The following GRIN2A variants were observed in gnomAD, a reference collection of about 807,000 sequenced individuals.
The protein encoded by GRIN2A is glutamate ionotropic receptor NMDA type subunit 2A.
In GRIN2A, 22 loss-of-function variants were observed where a neutral mutation model predicts 113.4. That is an observed-to-expected ratio of 0.19 (90% CI 0.14 to 0.28). The LOEUF (loss-of-function observed/expected upper bound fraction) is 0.28, where lower values mean the gene tolerates loss of function less well. GRIN2A is among the 10% of genes least tolerant of loss of function. The probability of loss-of-function intolerance (pLI) is 1.00; values close to 1 mark genes in which losing one functional copy is unlikely to be tolerated. For missense variants in GRIN2A, 1,502 were observed against 1,887.0 expected, an observed-to-expected ratio of 0.80 and a Z score of 3.78; for synonymous variants, 827 against 738.4, an observed-to-expected ratio of 1.12 and a Z score of -1.94.
At chr16:10,091,897 T>C (rs376631551) in intron 2 of GRIN2A, among the ~76,000 whole-genome samples, 2 of 152,178 alleles carry the variant, frequency 1.3e-5, no homozygotes, top group African/African-American at 2.4e-5. Context: ...CCTGAGATAA[T>C]TTTTTTAGGG....
At chr16:10,054,359 C>T (rs1300556182) in intron 2 of GRIN2A, among the ~76,000 whole-genome samples, 4 of 152,188 alleles carry the variant, frequency 2.6e-5, no homozygotes, top group South Asian at 2.1e-4. Context: ...TTCCGTTTTA[C>T]ATCTATCATA....
At chr16:9,915,688 G>C (rs1026738573) in intron 3 of GRIN2A, among the ~76,000 whole-genome samples, 8 of 152,186 alleles carry the variant, frequency 5.3e-5, no homozygotes, top group Admixed American at 4.6e-4. Context: ...AGGTAGTTTA[G>C]GTGGTGGTGA....
Position 9,841,096 on chromosome 16 carries a change from G to A in GRIN2A, c.1337C>T (p.Thr446Ile), listed in dbSNP as rs2141346131. ...TTTCTTCACATTCATCCCCTCATTG[G>A]TTGAATTGCTGTAAAGAAAAACCCC... ...CRKFVKINNS[T>I]NEGMNVKKCC... is the part of the protein sequence containing the mutation. The change falls in exon 6 of 13, where the codon ACC becomes ATC. Residue 446 changes from threonine (T) to isoleucine (I), a missense_variant. By Grantham distance (89) the Thr-to-Ile change is moderately conservative. Around this residue, in one of 7 missense-constraint regions of GRIN2A, gnomAD observed 334 missense variants for 403.0 expected, o/e 0.83. Coordinates refer to ENST00000330684, the MANE Select transcript of GRIN2A (RefSeq NM_001134407.3). The A allele has an allele frequency of 6.2e-7, 1 of 1,613,208 alleles. No homozygotes were observed. Among genetic ancestry groups the A allele is most frequent in the Non-Finnish European group, 8.5e-7 (1 of 1,179,322 alleles).
intron 2 of GRIN2A, among the ~76,000 whole-genome samples, chr16:10,054,709 A>G (rs1455104918): frequency 6.6e-6 from 1 of 152,212 alleles, no homozygotes; most frequent in Non-Finnish European, 1.5e-5. Flanking sequence ...CTAAAGCTAC[A>G]TTTATAAACA....
Position 10,016,891 on chromosome 16 carries a change from A to G in GRIN2A, c.415-78340T>C, listed in dbSNP as rs576616325. On this transcript the variant is annotated intron_variant, in intron 2 of 12. Coordinates refer to ENST00000330684, the MANE Select transcript of GRIN2A (RefSeq NM_001134407.3). ...AGCAGCAGGATGGAGCTGGCACAGA[A>G]GACAAGCCTCCTACACCTCCTCTGC... 3.3e-5 allele frequency among the ~76,000 whole-genome samples: 5 copies of G among 152,354 alleles called. No individual in the cohort carries two copies. In the South Asian group the frequency reaches 1.0e-3, roughly 32 times the overall value.
chr16:9,887,162 C>T (rs1010612682), intron 4 of GRIN2A, among the ~76,000 whole-genome samples: 1 of 152,176 alleles, frequency 6.6e-6, no homozygotes, highest in Non-Finnish European at 1.5e-5. Context: ...GCTAGGATTA[C>T]AGGCATGAGC....
intron 11 of GRIN2A, among the ~76,000 whole-genome samples, chr16:9,772,155 T>C (rs1388718491): frequency 6.6e-6 from 1 of 152,202 alleles, no homozygotes; most frequent in African/African-American, 2.4e-5. Context: ...ATTCCTTTTC[T>C]TCCAACAGCC....
intron 5 of GRIN2A, among the ~76,000 whole-genome samples, chr16:9,847,241 A>G (rs557013713): frequency 6.6e-6 from 1 of 152,260 alleles, no homozygotes; most frequent in South Asian, 2.1e-4. Context: ...AGAAAAGTGG[A>G]AACTAAATAA....
chr16:9,839,595 C>T (rs550116103), intron 7 of GRIN2A, among the ~76,000 whole-genome samples: 1 of 152,150 alleles, frequency 6.6e-6, no homozygotes, highest in East Asian at 1.9e-4. Flanking sequence ...ACTCTTACAT[C>T]TAGCAAATAA....
chr16:9,949,658 CAGAT>C (rs1397554072), intron 2 of GRIN2A, among the ~76,000 whole-genome samples: 1 of 143,982 alleles, frequency 6.9e-6, no homozygotes, highest in Non-Finnish European at 1.5e-5. Flanking sequence ...AACAGATGGA[CAGAT>C]GGATGGACAG....
At chr16:10,092,554 G>A (rs966482225) in intron 2 of GRIN2A, among the ~76,000 whole-genome samples, 3 of 152,148 alleles carry the variant, frequency 2.0e-5, no homozygotes. Flanking sequence ...TTTATAATAA[G>A]TAACTCTTAT....
chr16:10,158,961 A>G (rs909063050), intron 2 of GRIN2A, among the ~76,000 whole-genome samples: 3 of 152,230 alleles, frequency 2.0e-5, no homozygotes, highest in South Asian at 2.1e-4. Context: ...CAAAGTGGCC[A>G]AAATGTTGTG....
intron 11 of GRIN2A, among the ~76,000 whole-genome samples, chr16:9,772,901 T>A (rs1901361596): frequency 1.8e-5 from 2 of 112,862 alleles, no homozygotes; most frequent in South Asian, 5.3e-4. Context: ...GAAATCAACA[T>A]GGTAAAGCAG....
chr16:9,834,509 G>GTAGCTGGGAC (rs2042554239), intron 7 of GRIN2A, among the ~76,000 whole-genome samples: 1 of 152,110 alleles, frequency 6.6e-6, no homozygotes, highest in Admixed American at 6.5e-5. Context: ...AGCCTTCCGA[G>GTAGCTGGGAC]TAGCTGGGAC....
chr16:9,967,660 C>T (rs545275076), intron 2 of GRIN2A, among the ~76,000 whole-genome samples: 8 of 152,146 alleles, frequency 5.3e-5, no homozygotes, highest in Middle Eastern at 3.4e-3. Flanking sequence ...GAGCCAAGAT[C>T]GCACCATTGC....
rs766142005 is a variant in GRIN2A at position 9,764,196 on chromosome 16, C to A, written c.3348G>T (p.Lys1116Asn). Residue 1116 changes from lysine (K) to asparagine (N), a missense_variant, in exon 13 of 13, where the codon AAG becomes AAT. Coordinates refer to ENST00000330684, the MANE Select transcript of GRIN2A (RefSeq NM_001134407.3). ...CCTTCTCACCATCTATAGTGTAGATCTTGTCTCTAGGGGAGCTTGATTTGG... is the reference window on the plus strand; with the variant it reads ...CCTTCTCACCATCTATAGTGTAGATATTGTCTCTAGGGGAGCTTGATTTGG... ...LKTKSSSPRD[K>N]IYTIDGEKEP... The A allele has an allele frequency of 6.2e-7, 1 of 1,613,422 alleles. No homozygotes were observed. Among genetic ancestry groups the A allele is most frequent in the Non-Finnish European group, 8.5e-7 (1 of 1,179,760 alleles).
intron 2 of GRIN2A, among the ~76,000 whole-genome samples, chr16:10,056,682 A>G (rs2047461782): frequency 6.6e-6 from 1 of 152,174 alleles, no homozygotes. Context: ...CACAAGGAGA[A>G]GGCCACATAA....
At chr16:9,765,610 T>A (rs1900865071) in intron 12 of GRIN2A, among the ~76,000 whole-genome samples, 1 of 152,122 alleles carries the variant, frequency 6.6e-6, no homozygotes, top group Non-Finnish European at 1.5e-5. Flanking sequence ...CTTACCATCA[T>A]GTGGGGGTGT....
Position 10,089,898 on chromosome 16 carries a change from G to C in GRIN2A, c.414+90100C>G, listed in dbSNP as rs1055695264. 3.3e-5 allele frequency among the ~76,000 whole-genome samples: 5 copies of C among 152,086 alleles called. No individual in the cohort carries two copies. In the South Asian group the frequency reaches 6.2e-4, roughly 19 times the overall value. On this transcript the variant is annotated intron_variant, in intron 2 of 12. Transcript: ENST00000330684. The stretch of plus-strand genomic sequence containing the variant: ...ATGGGTGGGAAATAAAACCGATGAG[G>C]GGGAGGCTCAAGTAGTAGTGATCAT...
Sources: allele counts gnomAD v4.1 joint callset (sites outside exome capture counted in the v4.1 genomes callset), GRCh38; gene constraint gnomAD v4.1.1; regional missense constraint gnomAD v4.1.1; transcripts MANE v1.5; gene names NCBI Gene and HGNC (gene_info 2026-07-23, HGNC 2026-07-21).